The following SMYD3 variants were observed in gnomAD, a reference collection of about 807,000 sequenced individuals.
The protein encoded by SMYD3 is histone-lysine N-methyltransferase SMYD3.
In SMYD3, 36 loss-of-function variants were observed where a neutral mutation model predicts 57.7. The observed-to-expected ratio is 0.62, with a 90% CI of 0.48 to 0.82. The LOEUF (loss-of-function observed/expected upper bound fraction) is 0.82. Among genes scored for constraint, SMYD3 ranks in the 40% least tolerant of loss-of-function variants. SMYD3 has a pLI of 0.00. For synonymous variants in SMYD3, 211 were observed against 195.0 expected (o/e 1.08, Z -0.68); for missense variants, 515 against 538.8 (o/e 0.96, Z 0.44).
intron 1 of SMYD3, among the ~76,000 whole-genome samples, chr1:246,363,311 C>T (rs1478397182): frequency 6.6e-6 from 1 of 151,196 alleles, no homozygotes; most frequent in Non-Finnish European, 1.5e-5. Flanking sequence ...GGGTCAGCCC[C>T]CCGCCCGGCC....
At chr1:246,224,409 G>C (rs1453029463) in intron 5 of SMYD3, among the ~76,000 whole-genome samples, 1 of 152,048 alleles carries the variant, frequency 6.6e-6, no homozygotes, top group African/African-American at 2.4e-5. Flanking sequence ...CAGTGTGGCT[G>C]AGGTGTGGTC....
chr1:246,316,740 A>G (rs2065166809), intron 5 of SMYD3, among the ~76,000 whole-genome samples: 2 of 149,158 alleles, frequency 1.3e-5, no homozygotes, highest in East Asian at 4.2e-4. Flanking sequence ...TCATGCCTGT[A>G]ATCCCAGCAC....
chr1:246,333,033 G>A (rs938482273), intron 3 of SMYD3, among the ~76,000 whole-genome samples: 1 of 152,192 alleles, frequency 6.6e-6, no homozygotes, highest in Admixed American at 6.5e-5. Context: ...AAGAACAAGT[G>A]GACTTTTTTT....
chr1:246,060,115 T>C (rs1264915006), intron 5 of SMYD3, among the ~76,000 whole-genome samples: 1 of 151,732 alleles, frequency 6.6e-6, no homozygotes, highest in African/African-American at 2.4e-5. Flanking sequence ...TTACAAGACC[T>C]TGTCTCTACT....
intron 1 of SMYD3, among the ~76,000 whole-genome samples, chr1:246,432,340 A>G (rs2067309148): frequency 1.3e-5 from 2 of 152,250 alleles, no homozygotes; most frequent in African/African-American, 4.8e-5. Flanking sequence ...AGATAGCTAC[A>G]CCACCATACA....
At chr1:245,757,313 A>G (rs376028424) in intron 11 of SMYD3, among the ~76,000 whole-genome samples, 1 of 152,030 alleles carries the variant, frequency 6.6e-6, no homozygotes, top group South Asian at 2.1e-4. Flanking sequence ...ATGTGTCACA[A>G]TTTTATTCCT....
intron 5 of SMYD3, among the ~76,000 whole-genome samples, chr1:246,157,613 G>A (rs1163484810): frequency 1.3e-5 from 2 of 150,652 alleles, no homozygotes; most frequent in Non-Finnish European, 2.9e-5. Context: ...CTAAAAGAAT[G>A]AAGTCCCTCC....
chr1:246,199,119 A>ATCCCCTCT (rs2062870152), intron 5 of SMYD3, among the ~76,000 whole-genome samples: 1 of 150,856 alleles, frequency 6.6e-6, no homozygotes, highest in Non-Finnish European at 1.5e-5. Flanking sequence ...CCTTGCCCCC[A>ATCCCCTCT]TCCCCTCTTC....
intron 1 of SMYD3, among the ~76,000 whole-genome samples, chr1:246,410,675 A>C (rs1371311196): frequency 2.6e-5 from 4 of 152,026 alleles, no homozygotes; most frequent in Admixed American, 6.6e-5. Context: ...CACGATGATG[A>C]TGGCCTCATA....
chr1:245,955,225 G>A (rs998557314), intron 5 of SMYD3, among the ~76,000 whole-genome samples: 1 of 151,092 alleles, frequency 6.6e-6, no homozygotes, highest in Admixed American at 6.6e-5. Context: ...CTGAGTAGCT[G>A]GGACTACAGG....
At chr1:246,253,306 T>C (rs961550567) in intron 5 of SMYD3, among the ~76,000 whole-genome samples, 1 of 152,212 alleles carries the variant, frequency 6.6e-6, no homozygotes, top group African/African-American at 2.4e-5. Flanking sequence ...GTTTCTGCTG[T>C]TGCCATCTTT....
intron 1 of SMYD3, among the ~76,000 whole-genome samples, chr1:246,424,725 G>C (rs1351177528): frequency 6.6e-6 from 1 of 152,094 alleles, no homozygotes; most frequent in Non-Finnish European, 1.5e-5. Flanking sequence ...ATAAGTTTTT[G>C]AACTACTAGA....
chr1:246,239,123 G>C (rs1020472806), intron 5 of SMYD3, among the ~76,000 whole-genome samples: 2 of 152,136 alleles, frequency 1.3e-5, no homozygotes, highest in African/African-American at 4.8e-5. Context: ...TATACTTTAA[G>C]TTCTAAGGTA....
At chr1:245,980,971 T>G (rs983128034) in intron 5 of SMYD3, among the ~76,000 whole-genome samples, 2 of 152,194 alleles carry the variant, frequency 1.3e-5, no homozygotes, top group African/African-American at 4.8e-5. Flanking sequence ...GTAAAGCAGT[T>G]CTAAGAAAGA....
At chr1:245,762,670 T>C (rs2045900490) in intron 11 of SMYD3, among the ~76,000 whole-genome samples, 1 of 152,244 alleles carries the variant, frequency 6.6e-6, no homozygotes, top group Non-Finnish European at 1.5e-5. Flanking sequence ...GCTGACTTTA[T>C]TTAGAGATCA....
intron 10 of SMYD3, among the ~76,000 whole-genome samples, chr1:245,823,007 C>G (rs753806523): frequency 6.6e-6 from 1 of 152,150 alleles, no homozygotes; most frequent in African/African-American, 2.4e-5. Context: ...ACTGTGCTAG[C>G]AAAGGGATTT....
At chr1:246,249,675 T>C in intron 5 of SMYD3, among the ~76,000 whole-genome samples, 1 of 152,086 alleles carries the variant, frequency 6.6e-6, no homozygotes, top group East Asian at 1.9e-4. Flanking sequence ...ACATGAAAAA[T>C]ATAATTTCTG....
At chr1:245,970,894 C>T (rs2058282683) in intron 5 of SMYD3, among the ~76,000 whole-genome samples, 1 of 152,158 alleles carries the variant, frequency 6.6e-6, no homozygotes, top group Non-Finnish European at 1.5e-5. Flanking sequence ...TGTGGTGATT[C>T]CTCAAGGATC....
chr1:246,358,552 C>T (rs2065940648), intron 1 of SMYD3, among the ~76,000 whole-genome samples: 1 of 152,152 alleles, frequency 6.6e-6, no homozygotes, highest in Non-Finnish European at 1.5e-5. Context: ...CAAGATAGAA[C>T]ATATGATAGG....
Sources: gnomAD v4.1 joint callset for allele counts (sites outside exome capture counted in the v4.1 genomes callset) on GRCh38, gnomAD v4.1.1 for gene constraint, MANE v1.5 for transcripts, NCBI Gene and HGNC (gene_info 2026-07-23, HGNC 2026-07-21) for gene names.